The following PRKCI variants were observed in gnomAD, a reference collection of about 807,000 sequenced individuals.
PRKCI encodes the protein protein kinase C iota, also known as protein kinase C iota type.
In PRKCI, 43 loss-of-function variants were observed where a neutral mutation model predicts 84.0. The observed-to-expected ratio is 0.51, with a 90% CI of 0.40 to 0.66. The LOEUF (loss-of-function observed/expected upper bound fraction) is 0.66, where lower values mean the gene tolerates loss of function less well. PRKCI is among the 30% of genes least tolerant of loss of function. The pLI is 0.00. For synonymous variants in PRKCI, 216 were observed against 234.4 expected (o/e 0.92, Z 0.72); for missense variants, 459 against 745.6 (o/e 0.62, Z 4.48).
intron 14 of PRKCI, among the ~76,000 whole-genome samples, chr3:170,294,208 C>T (rs770852562): frequency 3.3e-5 from 5 of 152,054 alleles, no homozygotes; most frequent in Non-Finnish European, 7.4e-5. Context: ...GAAAATAGAG[C>T]ACCAAGATGA....
At chr3:170,241,918 G>A (rs1490185109) in intron 2 of PRKCI, among the ~76,000 whole-genome samples, 2 of 151,920 alleles carry the variant, frequency 1.3e-5, no homozygotes, top group Non-Finnish European at 2.9e-5. Flanking sequence ...ACCTGAGGTC[G>A]GGCCAACATG....
intron 16 of PRKCI, among the ~76,000 whole-genome samples, chr3:170,298,695 T>C (rs1734746703): frequency 6.6e-6 from 1 of 152,056 alleles, no homozygotes; most frequent in African/African-American, 2.4e-5. Context: ...CGTGAGCCAC[T>C]GCACCCAGCC....
intron 7 of PRKCI, among the ~76,000 whole-genome samples, chr3:170,273,926 G>A (rs1012844430): frequency 1.3e-5 from 2 of 151,368 alleles, no homozygotes; most frequent in African/African-American, 4.9e-5. Flanking sequence ...GAGCTCAGGA[G>A]TTCAAGACCA....
chr3:170,223,894 T>A (rs1414817986), intron 1 of PRKCI, among the ~76,000 whole-genome samples: 1 of 150,346 alleles, frequency 6.7e-6, no homozygotes, highest in African/African-American at 2.4e-5. Flanking sequence ...CCCCTAAATG[T>A]TGTATTGATT....
chr3:170,259,075 C>T (rs1017948734), intron 2 of PRKCI, among the ~76,000 whole-genome samples: 3 of 151,730 alleles, frequency 2.0e-5, no homozygotes, highest in East Asian at 1.9e-4. Context: ...ACCCAGGAGG[C>T]GGAGGTTGCA....
chr3:170,226,883 T>G (rs1043430222), intron 1 of PRKCI, among the ~76,000 whole-genome samples: 1 of 151,838 alleles, frequency 6.6e-6, no homozygotes, highest in African/African-American at 2.4e-5. Flanking sequence ...GAGAAAAAAA[T>G]AGAGCATGCT....
intron 1 of PRKCI, among the ~76,000 whole-genome samples, chr3:170,229,402 C>T (rs1478029978): frequency 1.3e-5 from 2 of 152,154 alleles, no homozygotes; most frequent in Non-Finnish European, 2.9e-5. Context: ...CAGCCTCAAC[C>T]ACTCTGGGTT....
intron 4 of PRKCI, among the ~76,000 whole-genome samples, chr3:170,267,599 G>C (rs1043888065): frequency 4.0e-5 from 6 of 150,932 alleles, no homozygotes; most frequent in Non-Finnish European, 7.4e-5. Flanking sequence ...CTTGAACCCG[G>C]GAGGTGGAGG....
intron 14 of PRKCI, among the ~76,000 whole-genome samples, chr3:170,294,219 T>C (rs1734639286): frequency 6.6e-6 from 1 of 151,874 alleles, no homozygotes; most frequent in African/African-American, 2.4e-5. Context: ...ACCAAGATGA[T>C]GAGTGATCAA....
At chr3:170,224,162 C>A (rs868380728) in intron 1 of PRKCI, among the ~76,000 whole-genome samples, 3 of 146,840 alleles carry the variant, frequency 2.0e-5, no homozygotes, top group African/African-American at 5.0e-5. Flanking sequence ...TGAGAACATG[C>A]GGTGTTTGGT....
At chr3:170,276,936 A>G (rs1734128554) in intron 8 of PRKCI, among the ~76,000 whole-genome samples, 2 of 151,902 alleles carry the variant, frequency 1.3e-5, no homozygotes, top group South Asian at 4.2e-4. Context: ...GCAAAAAACA[A>G]CCCCATTAAA....
intron 1 of PRKCI, among the ~76,000 whole-genome samples, chr3:170,228,449 G>C (rs1732690921): frequency 6.6e-6 from 1 of 151,882 alleles, no homozygotes. Flanking sequence ...AAAAAAATTA[G>C]CCTGTAGTCC....
intron 5 of PRKCI, 55 bp from the exon 6 acceptor site, chr3:170,270,366 G>A (rs3736376): frequency 0.02 from 29,119 of 1,477,504 alleles, 418 homozygotes; most frequent in East Asian, 0.078. Flanking sequence ...AAACTATTTG[G>A]GAAATGGTTA....
At chr3:170,241,075 AATT>A (rs1733119107) in intron 2 of PRKCI, among the ~76,000 whole-genome samples, 3 of 152,184 alleles carry the variant, frequency 2.0e-5, no homozygotes, top group Non-Finnish European at 2.9e-5. Flanking sequence ...AACAGATAAT[AATT>A]GTATATGTTC....
At chr3:170,231,830 T>C (rs374099084) in intron 1 of PRKCI, among the ~76,000 whole-genome samples, 100 of 152,322 alleles carry the variant, frequency 6.6e-4, no homozygotes, top group African/African-American at 2.3e-3. Context: ...TAATCTCTTA[T>C]CTTAGTGAAA....
At chr3:170,254,283 CTTTGT>C (rs1733531024) in intron 2 of PRKCI, among the ~76,000 whole-genome samples, 1 of 151,642 alleles carries the variant, frequency 6.6e-6, no homozygotes, top group Non-Finnish European at 1.5e-5. Flanking sequence ...TTTTTGATTG[CTTTGT>C]TTTGCAGAAA....
chr3:170,224,977 G>A (rs1732591411), intron 1 of PRKCI, among the ~76,000 whole-genome samples: 1 of 152,160 alleles, frequency 6.6e-6, no homozygotes, highest in African/African-American at 2.4e-5. Context: ...AAACTCCTTT[G>A]AGAAGAAATC....
intron 2 of PRKCI, among the ~76,000 whole-genome samples, chr3:170,240,571 T>C (rs1001260942): frequency 6.6e-6 from 1 of 152,300 alleles, no homozygotes; most frequent in Non-Finnish European, 1.5e-5. Context: ...GAGCCAACAG[T>C]AATTATTTTT....
intron 1 of PRKCI, among the ~76,000 whole-genome samples, chr3:170,228,598 C>G (rs918191374): frequency 7.2e-6 from 1 of 138,028 alleles, no homozygotes. Flanking sequence ...CATACACACA[C>G]ACAAATATAT....
Sources: gnomAD v4.1 joint callset for allele counts (sites outside exome capture counted in the v4.1 genomes callset) on GRCh38, gnomAD v4.1.1 for gene constraint, MANE v1.5 for transcripts, NCBI Gene and HGNC (gene_info 2026-07-23, HGNC 2026-07-21) for gene names.